PTPRD: variants seen among roughly 807,000 people sequenced by gnomAD.
PTPRD encodes the protein protein tyrosine phosphatase receptor type D, also known as receptor-type tyrosine-protein phosphatase delta.
PTPRD carries 34 observed loss-of-function variants against 214.5 expected under a neutral mutation model. That is an observed-to-expected ratio of 0.16 (90% CI 0.12 to 0.21). The LOEUF (loss-of-function observed/expected upper bound fraction) is 0.21, where lower values mean the gene tolerates loss of function less well. Ranked by LOEUF, PTPRD falls within the 10% of genes least tolerant of loss-of-function variation. The pLI is 1.00. For missense variants in PTPRD, 2,545 were observed against 2,398.7 expected (o/e 1.06, Z -1.27); for synonymous variants, 1,128 against 845.7 (o/e 1.33, Z -5.79).
intron 39 of PTPRD, among the ~76,000 whole-genome samples, chr9:8,344,552 A>G (rs1016349442): frequency 6.6e-6 from 1 of 152,020 alleles, no homozygotes; most frequent in African/African-American, 2.4e-5. Flanking sequence ...TGACTTGAAC[A>G]AAACCTATTT....
chr9:8,472,853 G>A (rs772815092), intron 30 of PTPRD, among the ~76,000 whole-genome samples: 1 of 152,116 alleles, frequency 6.6e-6, no homozygotes, highest in Non-Finnish European at 1.5e-5. Context: ...ATGGCACTTG[G>A]AGATATGTCT....
At chr9:9,374,234 G>A (rs1195663453) in intron 9 of PTPRD, among the ~76,000 whole-genome samples, 2 of 151,928 alleles carry the variant, frequency 1.3e-5, no homozygotes, top group Non-Finnish European at 2.9e-5. Context: ...TGCCAAGGGG[G>A]ACAGGAATAG....
chr9:9,062,560 CTAT>C (rs2099709464), intron 10 of PTPRD, among the ~76,000 whole-genome samples: 2 of 950 alleles, frequency 2.1e-3, no homozygotes, highest in South Asian at 0.33. Flanking sequence ...CATATATTAT[CTAT>C]CTATCTATCT....
At chr9:10,528,934 T>C (rs1251999923) in intron 2 of PTPRD, among the ~76,000 whole-genome samples, 1 of 152,122 alleles carries the variant, frequency 6.6e-6, no homozygotes, top group Non-Finnish European at 1.5e-5. Context: ...GTTAGTTTTG[T>C]GGTGGATGGA....
intron 9 of PTPRD, among the ~76,000 whole-genome samples, chr9:9,356,952 A>G (rs1021394268): frequency 1.8e-4 from 27 of 151,370 alleles, no homozygotes; most frequent in African/African-American, 5.6e-4. Flanking sequence ...AGGGAAATAC[A>G]TCTGTAAAAT....
At chr9:10,611,825 A>T (rs927763895) in intron 2 of PTPRD, among the ~76,000 whole-genome samples, 1 of 151,650 alleles carries the variant, frequency 6.6e-6, no homozygotes, top group Non-Finnish European at 1.5e-5. Flanking sequence ...TCCAATTATT[A>T]TCTCCTTACA....
chr9:9,342,521 A>T lies in PTPRD; in HGVS notation c.-203+54928T>A, dbSNP rs528966231. On this transcript the variant is annotated intron_variant, in intron 9 of 45. Coordinates refer to ENST00000381196, the MANE Select transcript of PTPRD (RefSeq NM_002839.4). ...CTAATATGGTCAAAGAAATGAAGAAACATGATTGGCTACATGTGTATGGAA... is the reference window on the plus strand; with the variant it reads ...CTAATATGGTCAAAGAAATGAAGAATCATGATTGGCTACATGTGTATGGAA... Among the ~76,000 whole-genome samples the T allele has an allele frequency of 1.4e-4, 21 of 152,244 alleles. No homozygotes were observed. The South Asian group carries it at 4.4e-3, about 32-fold the overall frequency.
intron 7 of PTPRD, among the ~76,000 whole-genome samples, chr9:9,693,303 G>A (rs2097308444): frequency 6.6e-6 from 1 of 152,044 alleles, no homozygotes. Context: ...TAGGGGAATG[G>A]TTTCCCGCAT....
At chr9:10,153,745 A>G (rs937123742) in intron 3 of PTPRD, among the ~76,000 whole-genome samples, 5 of 151,952 alleles carry the variant, frequency 3.3e-5, no homozygotes, top group African/African-American at 1.2e-4. Flanking sequence ...ATGTGTTCTC[A>G]TCATTTAGCT....
At chr9:10,143,307 T>A (rs919828085) in intron 3 of PTPRD, among the ~76,000 whole-genome samples, 1 of 133,614 alleles carries the variant, frequency 7.5e-6, no homozygotes, top group Non-Finnish European at 1.6e-5. Flanking sequence ...AATAAAAAAA[T>A]AAATGCTCAT....
At chr9:10,577,788 T>C (rs1414563318) in intron 2 of PTPRD, among the ~76,000 whole-genome samples, 1 of 152,104 alleles carries the variant, frequency 6.6e-6, no homozygotes, top group Non-Finnish European at 1.5e-5. Context: ...AAAACACATA[T>C]CACTAAAATA....
At chr9:9,491,337 C>T (rs1006965247) in intron 8 of PTPRD, among the ~76,000 whole-genome samples, 6 of 151,738 alleles carry the variant, frequency 4.0e-5, no homozygotes, top group East Asian at 1.9e-4. Context: ...AATAGTTCTA[C>T]GATAATAGTT....
intron 13 of PTPRD, among the ~76,000 whole-genome samples, chr9:8,635,956 A>G (rs2096418304): frequency 6.6e-6 from 1 of 152,162 alleles, no homozygotes; most frequent in Non-Finnish European, 1.5e-5. Context: ...ATGTTTCACC[A>G]TCTTCGCTGC....
At chr9:8,370,800 G>A (rs961329108) in intron 39 of PTPRD, among the ~76,000 whole-genome samples, 1 of 152,054 alleles carries the variant, frequency 6.6e-6, no homozygotes, top group African/African-American at 2.4e-5. Context: ...GAATCTGCCT[G>A]ATTTATAGGG....
At chr9:9,378,386 C>T (rs1215582635) in intron 9 of PTPRD, among the ~76,000 whole-genome samples, 1 of 152,026 alleles carries the variant, frequency 6.6e-6, no homozygotes, top group African/African-American at 2.4e-5. Flanking sequence ...GTGAGTATTC[C>T]ATTGTCTGGA....
intron 9 of PTPRD, among the ~76,000 whole-genome samples, chr9:9,279,158 G>A (rs1249954754): frequency 6.6e-6 from 1 of 150,530 alleles, no homozygotes; most frequent in Non-Finnish European, 1.5e-5. Flanking sequence ...CAAATAATAG[G>A]CAGGTGTTAA....
intron 3 of PTPRD, among the ~76,000 whole-genome samples, chr9:10,184,297 C>T (rs759183667): frequency 2.0e-4 from 31 of 152,090 alleles, no homozygotes; most frequent in Admixed American, 3.3e-4. Flanking sequence ...TGGTGGCATG[C>T]GCCTGTAATC....
intron 5 of PTPRD, among the ~76,000 whole-genome samples, chr9:9,825,330 G>C (rs912659615): frequency 6.6e-6 from 1 of 151,310 alleles, no homozygotes; most frequent in East Asian, 1.9e-4. Context: ...GAAAGAGAGA[G>C]AGAAAGAGAC....
At chr9:9,976,914 G>T (rs1415020183) in intron 4 of PTPRD, among the ~76,000 whole-genome samples, 4 of 151,854 alleles carry the variant, frequency 2.6e-5, no homozygotes, top group Admixed American at 1.3e-4. Flanking sequence ...TTGGCGATTG[G>T]TTTGGCAATA....
Sources: allele counts gnomAD v4.1 joint callset (sites outside exome capture counted in the v4.1 genomes callset), GRCh38; gene constraint gnomAD v4.1.1; transcripts MANE v1.5; gene names NCBI Gene and HGNC (gene_info 2026-07-23, HGNC 2026-07-21).